The following MTMR3 variants were observed in gnomAD, a reference collection of about 807,000 sequenced individuals.
The protein encoded by MTMR3 is myotubularin related protein 3, also known as phosphatidylinositol-3,5-bisphosphate 3-phosphatase MTMR3.
Under a neutral mutation model 132.4 loss-of-function variants are expected in MTMR3, and 32 were observed. The observed-to-expected ratio is 0.24, with a 90% confidence interval of 0.18 to 0.32. The LOEUF is 0.32. MTMR3 is among the 10% of genes least tolerant of loss of function. MTMR3 has a pLI of 1.00. For missense variants in MTMR3, 1,216 were observed against 1,489.6 expected, an observed-to-expected ratio of 0.82 and a Z score of 3.02; for synonymous variants, 556 against 550.3, an observed-to-expected ratio of 1.01 and a Z score of -0.14.
chr22:29,886,090 C>G (rs1024734568), intron 1 of MTMR3, among the ~76,000 whole-genome samples: 2 of 152,092 alleles, frequency 1.3e-5, no homozygotes, highest in African/African-American at 4.8e-5. Flanking sequence ...ATTCTGTGCC[C>G]TCAGATATTT....
chr22:29,952,798 A>G (rs1158302229), intron 1 of MTMR3, among the ~76,000 whole-genome samples: 1 of 152,212 alleles, frequency 6.6e-6, no homozygotes, highest in Non-Finnish European at 1.5e-5. Context: ...AGACTAACCT[A>G]TAGTAGTTTT....
At chr22:29,892,915 C>T (rs956470922) in intron 1 of MTMR3, among the ~76,000 whole-genome samples, 1 of 152,192 alleles carries the variant, frequency 6.6e-6, no homozygotes, top group Non-Finnish European at 1.5e-5. Context: ...CTTCTTAGGT[C>T]ATCACAAGGA....
chr22:30,013,595 T>G, intron 14 of MTMR3, 54 bp downstream of exon 14: 1 of 1,540,604 alleles, frequency 6.5e-7, no homozygotes, highest in Non-Finnish European at 8.9e-7. Flanking sequence ...TCAGTACAAA[T>G]GTTAGTGGGC....
chr22:30,016,771 T>G, intron 15 of MTMR3, 73 bp downstream of exon 15: 2 of 1,481,166 alleles, frequency 1.4e-6, no homozygotes, highest in Non-Finnish European at 1.8e-6. Context: ...AGAGCCTTTT[T>G]GAGTAGTGAC....
At chr22:29,928,016 C>A (rs1344881502) in intron 1 of MTMR3, among the ~76,000 whole-genome samples, 3 of 142,982 alleles carry the variant, frequency 2.1e-5, no homozygotes, top group Non-Finnish European at 4.5e-5. Context: ...TCTCAGGTCA[C>A]TGCAAACTCC....
chr22:29,937,499 C>T (rs1443789013), intron 1 of MTMR3, among the ~76,000 whole-genome samples: 1 of 151,570 alleles, frequency 6.6e-6, no homozygotes, highest in Non-Finnish European at 1.5e-5. Context: ...TTACTGCAGG[C>T]TTGAGCTCCT....
intron 3 of MTMR3, among the ~76,000 whole-genome samples, chr22:29,977,373 C>G (rs2066649824): frequency 6.6e-6 from 1 of 152,118 alleles, no homozygotes; most frequent in African/African-American, 2.4e-5. Context: ...TCATGTCTTC[C>G]TATACCATAA....
At chr22:29,931,364 G>A (rs1257707213) in intron 1 of MTMR3, among the ~76,000 whole-genome samples, 1 of 152,164 alleles carries the variant, frequency 6.6e-6, no homozygotes, top group East Asian at 1.9e-4. Context: ...TTGAACAAAG[G>A]AGGACAACAT....
intron 1 of MTMR3, among the ~76,000 whole-genome samples, chr22:29,893,765 TG>T (rs1293284258): frequency 6.6e-6 from 1 of 152,224 alleles, no homozygotes; most frequent in Admixed American, 6.5e-5. Context: ...GTGGCTTTTT[TG>T]CTTCTTATTC....
At chr22:30,008,660 TC>T (rs1238139881) in intron 11 of MTMR3, 1 of 203,030 alleles carries the variant, frequency 4.9e-6, no homozygotes, top group African/African-American at 2.4e-5. Flanking sequence ...AACGCATTGT[TC>T]TGTGGAGTTC....
rs2066421021 is a variant in MTMR3 at position 29,966,632 on chromosome 22, GGATA to G, written c.-84-4339_-84-4336del. Among the ~76,000 whole-genome samples the G allele has an allele frequency of 5.9e-5, 9 of 151,880 alleles. No homozygotes were observed. The South Asian group carries it at 1.9e-3, about 32-fold the overall frequency. On this transcript the variant is annotated intron_variant, in intron 2 of 19. Transcript: ENST00000401950. Reference sequence around the variant, plus strand: ...TAGTTCATTTTGTGTAAGAAAGGCGGGATAGATACTTGATTCTTTCCCCTTACTT... The same window carrying G: ...TAGTTCATTTTGTGTAAGAAAGGCGGGATACTTGATTCTTTCCCCTTACTT...
At chr22:29,967,239 G>GCGCC (rs1569028517) in intron 2 of MTMR3, among the ~76,000 whole-genome samples, 2 of 136,508 alleles carry the variant, frequency 1.5e-5, no homozygotes, top group Admixed American at 1.4e-4. Flanking sequence ...GTGTGCATGC[G>GCGCC]CGCGCGCGCG....
intron 2 of MTMR3, among the ~76,000 whole-genome samples, chr22:29,968,439 A>G (rs1410985464): frequency 6.6e-6 from 1 of 152,170 alleles, no homozygotes; most frequent in African/African-American, 2.4e-5. Context: ...GTAATTCAGT[A>G]TGTTTCTTTT....
At chr22:29,971,851 C>G (rs1164656576) in intron 3 of MTMR3, among the ~76,000 whole-genome samples, 1 of 152,144 alleles carries the variant, frequency 6.6e-6, no homozygotes, top group Non-Finnish European at 1.5e-5. Flanking sequence ...AGAAATGGTC[C>G]TCTGTAATAT....
At chr22:30,022,296 G>A (rs2067781507) in intron 18 of MTMR3, 157 bp downstream of exon 18, 2 of 635,748 alleles carry the variant, frequency 3.1e-6, no homozygotes, top group Non-Finnish European at 5.5e-6. Flanking sequence ...CCCACATGAA[G>A]CCTAGGATTT....
intron 1 of MTMR3, among the ~76,000 whole-genome samples, chr22:29,883,903 T>C (rs1331258747): frequency 6.6e-6 from 1 of 152,026 alleles, no homozygotes; most frequent in Non-Finnish European, 1.5e-5. Flanking sequence ...TGGTAGTACT[T>C]AGGTGGGTAG....
At chr22:29,956,686 G>C (rs970329513) in intron 1 of MTMR3, among the ~76,000 whole-genome samples, 4 of 152,112 alleles carry the variant, frequency 2.6e-5, no homozygotes, top group Non-Finnish European at 5.9e-5. Context: ...TTTTAGTTTT[G>C]TAAAGTACCT....
chr22:29,967,193 T>G (rs998759191), intron 2 of MTMR3, among the ~76,000 whole-genome samples: 156 of 142,062 alleles, frequency 1.1e-3, no homozygotes, highest in Non-Finnish European at 2.1e-3. Context: ...TTCACCTCTG[T>G]TGTGTGTGTG....
intron 14 of MTMR3, chr22:30,015,402 T>A (rs1415842089): frequency 6.6e-6 from 1 of 151,998 alleles, no homozygotes; most frequent in Non-Finnish European, 1.5e-5. Flanking sequence ...CTATAAAACT[T>A]GATCTTCCAG....
Sources: allele counts gnomAD v4.1 joint callset (sites outside exome capture counted in the v4.1 genomes callset), GRCh38; gene constraint gnomAD v4.1.1; transcripts MANE v1.5; gene names NCBI Gene and HGNC (gene_info 2026-07-23, HGNC 2026-07-21).